DNMBP: variants seen among roughly 807,000 people sequenced by gnomAD.
The protein encoded by DNMBP is dynamin-binding protein.
DNMBP carries 87 observed loss-of-function variants against 150.0 expected under a neutral mutation model. The observed-to-expected ratio is 0.58, with a 90% CI of 0.49 to 0.69. The LOEUF (loss-of-function observed/expected upper bound fraction) is 0.69, where lower values mean the gene tolerates loss of function less well. Among genes scored for constraint, DNMBP ranks in the 30% least tolerant of loss-of-function variants. DNMBP has a pLI of 0.00. For missense variants in DNMBP, 1,774 were observed against 1,949.0 expected (o/e 0.91, Z 1.69); for synonymous variants, 711 against 750.4 (o/e 0.95, Z 0.86).
intron 12 of DNMBP, 101 bp from the exon 13 acceptor site, chr10:99,886,733 C>T (rs1221861867): frequency 1.2e-5 from 14 of 1,121,734 alleles, no homozygotes; most frequent in East Asian, 7.1e-5. Context: ...CCTGAACCAC[C>T]TACTTCGTTT....
chr10:99,936,603 C>A (rs1471467071), intron 4 of DNMBP, among the ~76,000 whole-genome samples: 1 of 150,576 alleles, frequency 6.6e-6, no homozygotes, highest in Non-Finnish European at 1.5e-5. Flanking sequence ...CAGGCTCAAA[C>A]AATCCATGTT....
At chr10:99,921,704 A>AC (rs1290218990) in intron 4 of DNMBP, among the ~76,000 whole-genome samples, 1 of 151,626 alleles carries the variant, frequency 6.6e-6, no homozygotes, top group African/African-American at 2.4e-5. Flanking sequence ...AAAAAAAAAA[A>AC]AATACAAAAA....
At chr10:99,967,669 GT>G (rs1470825464) in intron 3 of DNMBP, among the ~76,000 whole-genome samples, 1,389 of 39,858 alleles carry the variant, frequency 0.035, 22 homozygotes, top group Middle Eastern at 0.16. Flanking sequence ...GTTTTTCTGG[GT>G]GTGTGTGTGT....
intron 4 of DNMBP, among the ~76,000 whole-genome samples, chr10:99,953,204 A>G (rs1458531807): frequency 1.3e-5 from 2 of 152,308 alleles, no homozygotes; most frequent in Non-Finnish European, 2.9e-5. Context: ...GTTGTTAGAA[A>G]CATAAGCTTA....
At chr10:99,973,913 C>T (rs1455393585) in intron 1 of DNMBP, among the ~76,000 whole-genome samples, 5 of 151,722 alleles carry the variant, frequency 3.3e-5, no homozygotes, top group Admixed American at 6.6e-5. Flanking sequence ...CCTGGGAGGC[C>T]GAGGTTGCAG....
At chr10:99,890,439 T>C (rs752339588) in intron 11 of DNMBP, among the ~76,000 whole-genome samples, 1 of 152,338 alleles carries the variant, frequency 6.6e-6, no homozygotes, top group Middle Eastern at 3.4e-3. Context: ...CAGATGGTTT[T>C]CAACATTACA....
intron 4 of DNMBP, among the ~76,000 whole-genome samples, chr10:99,920,255 A>G (rs1564732248): frequency 6.6e-6 from 1 of 151,968 alleles, no homozygotes; most frequent in Non-Finnish European, 1.5e-5. Context: ...TTGTATTTTT[A>G]GTAGAGAAGG....
chr10:99,902,117 T>C (rs1238613925), intron 6 of DNMBP, among the ~76,000 whole-genome samples: 2 of 151,974 alleles, frequency 1.3e-5, no homozygotes, highest in Non-Finnish European at 2.9e-5. Context: ...CACAAACTCT[T>C]GGGCTCAAGT....
At chr10:99,933,618 T>G (rs1318726564) in intron 4 of DNMBP, among the ~76,000 whole-genome samples, 3 of 152,120 alleles carry the variant, frequency 2.0e-5, no homozygotes, top group African/African-American at 7.2e-5. Flanking sequence ...CTTTTATTCT[T>G]CCCCTTCACC....
At chr10:99,999,381 C>T (rs899332301) in intron 1 of DNMBP, among the ~76,000 whole-genome samples, 1 of 152,226 alleles carries the variant, frequency 6.6e-6, no homozygotes, top group African/African-American at 2.4e-5. Flanking sequence ...ATTCTAACAG[C>T]ACCTTCCTCG....
intron 4 of DNMBP, among the ~76,000 whole-genome samples, chr10:99,938,318 C>T (rs184634947): frequency 1.7e-4 from 26 of 152,072 alleles, no homozygotes; most frequent in African/African-American, 5.5e-4. Flanking sequence ...CCAAGGTGGG[C>T]GGATCACTTG....
chr10:100,001,413 G>GTTTTTTT (rs531398004), intron 1 of DNMBP, among the ~76,000 whole-genome samples: 1 of 111,266 alleles, frequency 9.0e-6, no homozygotes, highest in Non-Finnish European at 1.7e-5. Context: ...TGTTGTTGTT[G>GTTTTTTT]TTTTTTTTTT....
intron 16 of DNMBP, among the ~76,000 whole-genome samples, chr10:99,878,199 C>A (rs2039305912): frequency 6.6e-6 from 1 of 152,176 alleles, no homozygotes; most frequent in South Asian, 2.1e-4. Flanking sequence ...AAAAGAAAAA[C>A]CAGAAAACCA....
chr10:99,990,820 T>TA (rs1350182492), intron 1 of DNMBP, among the ~76,000 whole-genome samples: 3 of 121,618 alleles, frequency 2.5e-5, no homozygotes, highest in Non-Finnish European at 4.9e-5. Flanking sequence ...CATATATATA[T>TA]ATACACATAT....
Position 99,956,422 on chromosome 10 carries a change from C to A in DNMBP, c.1052G>T (p.Cys351Phe). Residue 351 changes from cysteine to phenylalanine, a missense_variant, in exon 4 of 17, where the codon TGC becomes TTC. By Grantham distance (205) the Cys-to-Phe change is radical. Transcript: ENST00000324109. ...AGAAGTGGGTGCTTCAGAAATAATG[C>A]AGTCAGGCTCCTCGGCCTCATGGTC... ...TSDHEAEEPD[C>F]IISEAPTSPL... The A allele has an allele frequency of 6.2e-7, 1 of 1,614,072 alleles. No individual in the cohort carries two copies.
Position 99,880,059 on chromosome 10 carries a change from A to C in DNMBP, c.4300T>G (p.Cys1434Gly). 1 of 1,614,188 alleles carries C rather than the reference A, an allele frequency of 6.2e-7. No individual in the cohort carries two copies. Among genetic ancestry groups the C allele is most frequent in the Non-Finnish European group, 8.5e-7 (1 of 1,180,030 alleles). Residue 1434 changes from cysteine to glycine, a missense_variant, in exon 16 of 17, where the codon TGC becomes GGC. This residue lies in a region of DNMBP where 1,430 missense variants were observed against 1,492.5 expected (regional missense o/e 0.96). Transcript: ENST00000324109. ...GAGGTGGAGTCTGGGTCTGAAGGGC[A>C]TCTGGAAGGACTACTCTCTGAATTA... is the stretch of plus-strand genomic sequence containing the variant. ...PSNSESSPSR[C>G]PSDPDSTSQP... is the part of the protein sequence containing the mutation.
chr10:99,963,425 CAGAA>C (rs1472075447), intron 3 of DNMBP, among the ~76,000 whole-genome samples: 1 of 152,030 alleles, frequency 6.6e-6, no homozygotes, highest in Non-Finnish European at 1.5e-5. Flanking sequence ...TGTTTTTCAT[CAGAA>C]AGAGTCATAC....
intron 1 of DNMBP, among the ~76,000 whole-genome samples, chr10:99,992,272 G>A (rs2040902906): frequency 6.6e-6 from 1 of 150,904 alleles, no homozygotes. Flanking sequence ...TAATAGTTAA[G>A]AGCACAGACT....
intron 11 of DNMBP, among the ~76,000 whole-genome samples, chr10:99,891,937 C>G (rs1301243662): frequency 1.3e-5 from 2 of 149,426 alleles, no homozygotes; most frequent in African/African-American, 5.0e-5. Context: ...GCCCCCTGCC[C>G]GGCCAGCCGC....
Sources: gnomAD v4.1 joint callset for allele counts (sites outside exome capture counted in the v4.1 genomes callset) on GRCh38, gnomAD v4.1.1 for gene constraint, gnomAD v4.1.1 regional missense constraint, MANE v1.5 for transcripts, NCBI Gene and HGNC (gene_info 2026-07-23, HGNC 2026-07-21) for gene names.